Variants in MARCHF4 observed in about 807,000 individuals in gnomAD.
MARCHF4 encodes the protein membrane associated ring-CH-type finger 4.
MARCHF4 carries 14 observed loss-of-function variants against 43.9 expected under a neutral mutation model. The ratio of observed to expected loss-of-function variants is 0.32; its 90% CI spans 0.21 to 0.50. MARCHF4 has a LOEUF of 0.50. Among genes scored for constraint, MARCHF4 ranks in the 20% least tolerant of loss-of-function variants. MARCHF4 has a pLI of 0.98. For synonymous variants in MARCHF4, 226 were observed against 213.3 expected, an observed-to-expected ratio of 1.06 and a Z score of -0.52; for missense variants, 468 against 536.7, an observed-to-expected ratio of 0.87 and a Z score of 1.27.
At chr2:216,273,871 C>T (rs1430557266) in intron 3 of MARCHF4, among the ~76,000 whole-genome samples, 1 of 152,158 alleles carries the variant, frequency 6.6e-6, no homozygotes, top group South Asian at 2.1e-4. Context: ...GTTTGGGTGG[C>T]CAGAGGTCCA....
chr2:216,356,184 A>G (rs1187205684), intron 1 of MARCHF4, among the ~76,000 whole-genome samples: 1 of 152,220 alleles, frequency 6.6e-6, no homozygotes, highest in African/African-American at 2.4e-5. Flanking sequence ...AACACTGCAT[A>G]ATGGCCAATG....
intron 2 of MARCHF4, 112 bp downstream of exon 2, chr2:216,283,462 T>A (rs1691164910): frequency 7.4e-7 from 1 of 1,346,848 alleles, no homozygotes; most frequent in Admixed American, 2.2e-5. Context: ...CAGCCCATCT[T>A]CTTCCTTTTC....
At chr2:216,326,306 AAAC>A (rs1485058161) in intron 1 of MARCHF4, among the ~76,000 whole-genome samples, 2 of 150,858 alleles carry the variant, frequency 1.3e-5, no homozygotes, top group Non-Finnish European at 3.0e-5. Flanking sequence ...AAAAGTCAGG[AAAC>A]AACAAGTGCT....
rs140403201 is a variant in MARCHF4 at position 216,334,271 on chromosome 2, AG to A, written c.516+35473del. 2.8e-3 allele frequency among the ~76,000 whole-genome samples: 422 copies of A among 152,342 alleles called. 4 individuals carry two copies. The highest frequency in any genetic ancestry group is 9.9e-3 in the African/African-American group (412 of 41,572). The stretch of plus-strand genomic sequence containing the variant: ...GATGGAGGAAGAAGGCCTTGAGCCA[AG>A]GAATGTGGTAGCCGCTAGCCAGCAA... On this transcript the variant is annotated intron_variant, in intron 1 of 3. Transcript: ENST00000273067.
At chr2:216,309,483 C>T (rs1213637254) in intron 1 of MARCHF4, among the ~76,000 whole-genome samples, 1 of 152,192 alleles carries the variant, frequency 6.6e-6, no homozygotes, top group Admixed American at 6.5e-5. Context: ...GCACCTACCA[C>T]ATCCAAGTTC....
chr2:216,319,433 G>A (rs771977488), intron 1 of MARCHF4, among the ~76,000 whole-genome samples: 2 of 152,114 alleles, frequency 1.3e-5, no homozygotes, highest in South Asian at 2.1e-4. Flanking sequence ...ATAAATGCTC[G>A]TGGAATCAAT....
intron 1 of MARCHF4, among the ~76,000 whole-genome samples, chr2:216,363,241 C>A (rs1168060053): frequency 6.6e-6 from 1 of 152,216 alleles, no homozygotes. Flanking sequence ...TTGGTCAGCT[C>A]ACCCCAAGCT....
In MARCHF4 at chr2:216,326,033, A is replaced by G. The variant is rs776102926; in HGVS notation, c.517-42304T>C. The stretch of plus-strand genomic sequence containing the variant: ...TCAGAGTGAACAGGCAACCTACAAA[A>G]TGGGAGAAAATTTTCGCAACCTACT... On this transcript the variant is annotated intron_variant, in intron 1 of 3. Transcript: ENST00000273067. Among the ~76,000 whole-genome samples, 162 of 143,622 alleles carry G rather than the reference A, an allele frequency of 1.1e-3. 2 individuals carry two copies. Among genetic ancestry groups the G allele is most frequent in the Admixed American group, 9.1e-4 (13 of 14,270 alleles). The allele number at this position is 143,622 out of a possible 152,430, so 94.2% of individuals were successfully genotyped here.
In MARCHF4 at chr2:216,372,344, C is replaced by T. The variant is rs73988382; in HGVS notation, c.-2084G>A. ...CCGCTGCTGCATTCAGCACCCCGGG[C>T]GAGTGGACAGCTCCCACCCAGACCC... On this transcript the variant is annotated 5_prime_UTR_variant, in exon 1 of 4. Coordinates refer to ENST00000273067, the MANE Select transcript of MARCHF4 (RefSeq NM_020814.3). Among the ~76,000 whole-genome samples the T allele has an allele frequency of 5.4e-3, 829 of 152,144 alleles. 7 individuals are homozygous for T. Among genetic ancestry groups the T allele is most frequent in the African/African-American group, 0.019 (793 of 41,498 alleles).
In MARCHF4 at chr2:216,371,910, C is replaced by T. The variant is rs188470519; in HGVS notation, c.-1650G>A. The T allele has an allele frequency of 2.6e-5, 4 of 152,138 alleles. No homozygotes were observed. Among genetic ancestry groups the T allele is most frequent in the Non-Finnish European group, 5.9e-5 (4 of 67,984 alleles). 9.4% of individuals were successfully genotyped at this position (152,138 alleles called of 1,614,324 possible). On this transcript the variant is annotated 5_prime_UTR_variant, in exon 1 of 4. Coordinates refer to ENST00000273067, the MANE Select transcript of MARCHF4 (RefSeq NM_020814.3). ...CCCGCCCCTTCCTCCTCTCCACCGC[C>T]TCTGGCTGGCTAGGCTCGCTGTTGC...
rs1574490704 is a variant in MARCHF4, at chr2:216,369,952, A to G, written c.309T>C (p.Pro103=). ...GTGGCAAGGGGGGTGGAGGTGGCAC[A>G]GGAGGGGGCTCCCTGCCCACCACTT... ...PREVVGREPP[P]VPPPPPLPPS... Residue 103 remains proline (P), a synonymous_variant, in exon 1 of 4, where the codon CCT becomes CCC. Transcript: ENST00000273067. 5 of 1,588,392 alleles carry G rather than the reference A, an allele frequency of 3.1e-6. No individual in the cohort carries two copies. In the Admixed American group the frequency reaches 7.1e-5, roughly 22 times the overall value.
chr2:216,317,792 T>C (rs1236720502), intron 1 of MARCHF4, among the ~76,000 whole-genome samples: 2 of 152,130 alleles, frequency 1.3e-5, no homozygotes, highest in Non-Finnish European at 2.9e-5. Flanking sequence ...CCGGGTCGTG[T>C]GGTGATGGCG....
chr2:216,279,935 C>A (rs1450035038), intron 2 of MARCHF4, among the ~76,000 whole-genome samples: 1 of 152,164 alleles, frequency 6.6e-6, no homozygotes, highest in Non-Finnish European at 1.5e-5. Context: ...ATTGAGGCAT[C>A]CATCATCCTC....
chr2:216,270,004 C>T (rs565239232), intron 3 of MARCHF4, among the ~76,000 whole-genome samples: 3 of 152,182 alleles, frequency 2.0e-5, no homozygotes, highest in South Asian at 2.1e-4. Context: ...CTTCAAACAC[C>T]TTTTACTGTT....
At chr2:216,307,199 A>G (rs931441352) in intron 1 of MARCHF4, among the ~76,000 whole-genome samples, 5 of 152,120 alleles carry the variant, frequency 3.3e-5, no homozygotes, top group African/African-American at 1.2e-4. Context: ...CTGAGTTCCA[A>G]CTGGGAAACC....
At chr2:216,343,227 G>A (rs1692261356) in intron 1 of MARCHF4, among the ~76,000 whole-genome samples, 1 of 152,208 alleles carries the variant, frequency 6.6e-6, no homozygotes, top group Non-Finnish European at 1.5e-5. Context: ...ATCATAGACT[G>A]AGTGGCTTAA....
At chr2:216,300,349 T>TATACATATATATAC (rs1559093181) in intron 1 of MARCHF4, among the ~76,000 whole-genome samples, 7 of 118,856 alleles carry the variant, frequency 5.9e-5, no homozygotes, top group African/African-American at 2.0e-4. Context: ...TATATATATA[T>TATACATATATATAC]GTATATATAT....
intron 3 of MARCHF4, among the ~76,000 whole-genome samples, chr2:216,266,912 C>G (rs1690854560): frequency 6.6e-6 from 1 of 152,172 alleles, no homozygotes; most frequent in Non-Finnish European, 1.5e-5. Flanking sequence ...GTCACATGAG[C>G]TATTATAAAA....
intron 1 of MARCHF4, among the ~76,000 whole-genome samples, chr2:216,330,834 A>G (rs1692072521): frequency 6.6e-6 from 1 of 152,176 alleles, no homozygotes; most frequent in African/African-American, 2.4e-5. Flanking sequence ...GTGTGATGCA[A>G]TTAAAGCTTT....
Sources: gnomAD v4.1 joint callset for allele counts (sites outside exome capture counted in the v4.1 genomes callset) on GRCh38, gnomAD v4.1.1 for gene constraint, MANE v1.5 for transcripts, NCBI Gene and HGNC (gene_info 2026-07-23, HGNC 2026-07-21) for gene names.